P2RX3: variants seen among roughly 807,000 people sequenced by gnomAD.
The protein encoded by P2RX3 is P2X purinoceptor 3.
In P2RX3, 41 loss-of-function variants were observed where a neutral mutation model predicts 51.5. The observed-to-expected ratio is 0.80, with a 90% CI of 0.62 to 1.03. The LOEUF (loss-of-function observed/expected upper bound fraction) is 1.03, where lower values mean the gene tolerates loss of function less well. Ranked by LOEUF, P2RX3 falls within the 50% of genes least tolerant of loss-of-function variation. The pLI is 0.00. For synonymous variants in P2RX3, 185 were observed against 191.6 expected (o/e 0.97, Z 0.29); for missense variants, 459 against 522.1 (o/e 0.88, Z 1.18).
intron 1 of P2RX3, among the ~76,000 whole-genome samples, chr11:57,338,953 G>A (rs969957103): frequency 4.6e-5 from 7 of 152,274 alleles, no homozygotes; most frequent in African/African-American, 1.2e-4. Context: ...GCCCTCCACC[G>A]AGGGAGGGCT....
chr11:57,337,302 AAAAAG>A (rs1171026252), upstream of P2RX3, among the ~76,000 whole-genome samples: 1 of 129,080 alleles, frequency 7.7e-6, no homozygotes, highest in African/African-American at 3.0e-5. Flanking sequence ...AAAAAAAAAA[AAAAAG>A]AAAGAAAGAA....
At chr11:57,368,346 A>T (rs1418729365) in intron 9 of P2RX3, 26 bp from the exon 10 acceptor site, 1 of 1,613,564 alleles carries the variant, frequency 6.2e-7, no homozygotes, top group Non-Finnish European at 8.5e-7. Context: ...CCCTCTGCCC[A>T]CTTGCCTTGG....
chr11:57,351,156 C>G (rs1325849951), intron 8 of P2RX3, among the ~76,000 whole-genome samples: 2 of 152,164 alleles, frequency 1.3e-5, no homozygotes, highest in African/African-American at 4.8e-5. Context: ...AAGAGAGGGC[C>G]AAGGTCTCTT....
chr11:57,357,134 T>C (rs1293562263), intron 8 of P2RX3, among the ~76,000 whole-genome samples: 1 of 152,022 alleles, frequency 6.6e-6, no homozygotes, highest in Admixed American at 6.6e-5. Flanking sequence ...CTGGCCAACA[T>C]AATGAAACCC....
chr11:57,348,365 T>G (rs1856481307), intron 5 of P2RX3, 102 bp downstream of exon 5: 10 of 1,130,246 alleles, frequency 8.8e-6, no homozygotes, highest in Non-Finnish European at 1.3e-5. Context: ...GTCTGTGGCT[T>G]TCTCCAGTGT....
chr11:57,350,713 A>G (rs1036912936), intron 7 of P2RX3, 49 bp from the exon 8 acceptor site: 2 of 1,473,928 alleles, frequency 1.4e-6, no homozygotes, highest in Non-Finnish European at 1.8e-6. Context: ...GGCCCAGAGC[A>G]GGGAGTCAGA....
rs756479906 is a variant in P2RX3, at chr11:57,350,764, G to T, written c.708G>T (p.Gly236=). ...TCATACCCGGCCCGTTTCTTCAGGG[G>T]GGAGTTCTGGGCATTAAGATCGGCT... The part of the protein sequence containing the change: ...GQDFAKLART[G]GVLGIKIGWV... The change falls in exon 8 of 12, where the codon GGG becomes GGT. Residue 236 remains glycine, a splice_region_variant and synonymous_variant. Transcript: ENST00000263314. 6 of 1,613,892 alleles carry T rather than the reference G, an allele frequency of 3.7e-6. No individual in the cohort carries two copies. The highest frequency in any genetic ancestry group is 5.1e-6 in the Non-Finnish European group (6 of 1,179,996).
chr11:57,351,050 C>T, intron 8 of P2RX3, 152 bp downstream of exon 8: 1 of 1,139,692 alleles, frequency 8.8e-7, no homozygotes, highest in Non-Finnish European at 1.2e-6. Context: ...GACTCTCTAA[C>T]AGCCATTAGG....
intron 8 of P2RX3, among the ~76,000 whole-genome samples, chr11:57,360,996 A>C (rs1448002233): frequency 6.6e-6 from 1 of 152,076 alleles, no homozygotes. Context: ...GATTTCTGTG[A>C]GGTAAATACT....
intron 1 of P2RX3, among the ~76,000 whole-genome samples, chr11:57,339,026 TC>T (rs1856289969): frequency 6.6e-6 from 1 of 151,974 alleles, no homozygotes; most frequent in African/African-American, 2.4e-5. Flanking sequence ...GCAGACCCCC[TC>T]CCACATCTTC....
In P2RX3 at chr11:57,347,135, T is replaced by TC. The variant is rs1565063777; in HGVS notation, c.276dup (p.Ile93HisfsTer8). On this transcript the variant is annotated frameshift_variant, in exon 3 of 12. Coordinates refer to ENST00000263314, the MANE Select transcript of P2RX3 (RefSeq NM_002559.5). LOFTEE classifies it high-confidence loss of function. ...CCCAAGGGCACCTCGGTCTTTGTCA[T>TC]CATCACCAAGATGATTGTTACTGAA... 1 of 1,613,784 alleles carries TC rather than the reference T, an allele frequency of 6.2e-7. No individual in the cohort carries two copies. The highest frequency in any genetic ancestry group is 1.1e-5 in the South Asian group (1 of 90,908).
intron 10 of P2RX3, 54 bp from the exon 11 acceptor site, chr11:57,369,307 A>G (rs892563353): frequency 1.9e-5 from 29 of 1,538,512 alleles, no homozygotes; most frequent in Non-Finnish European, 2.2e-5. Context: ...TGCCACCCTG[A>G]TCCCACCCAA....
chr11:57,340,050 C>T (rs931086935), intron 1 of P2RX3, among the ~76,000 whole-genome samples: 6 of 152,178 alleles, frequency 3.9e-5, no homozygotes, highest in South Asian at 4.1e-4. Flanking sequence ...TTGTGAGATA[C>T]GAGGTTTGCA....
At chr11:57,360,846 T>C (rs1011188417) in intron 8 of P2RX3, among the ~76,000 whole-genome samples, 2 of 150,598 alleles carry the variant, frequency 1.3e-5, no homozygotes, top group African/African-American at 4.9e-5. Flanking sequence ...ATATGGCTCA[T>C]AGTCCGTAGT....
At chr11:57,344,728 T>A (rs955443358) in intron 1 of P2RX3, among the ~76,000 whole-genome samples, 1 of 151,840 alleles carries the variant, frequency 6.6e-6, no homozygotes, top group Non-Finnish European at 1.5e-5. Context: ...TATCAAAAAT[T>A]TAAACTTAAA....
rs1856830368 is a variant in P2RX3 at position 57,368,424 on chromosome 11, C to A, written c.989C>A (p.Thr330Asn). The change falls in exon 10 of 12, where the codon ACT becomes AAT. Residue 330 changes from threonine (T) to asparagine (N), a missense_variant. Coordinates refer to ENST00000263314, the MANE Select transcript of P2RX3 (RefSeq NM_002559.5). ...ATCATCAGCTCTGTGGCGGCCTTTA[C>A]TTCTGTGGGAGTGGTGAGTTCAGCC... ...PTIISSVAAF[T>N]SVGVGTVLCD... The A allele has an allele frequency of 6.2e-7, 1 of 1,614,176 alleles. No individual in the cohort carries two copies. The highest frequency in any genetic ancestry group is 8.5e-7 in the Non-Finnish European group (1 of 1,180,036).
At chr11:57,351,232 A>C (rs545023304) in intron 8 of P2RX3, among the ~76,000 whole-genome samples, 62 of 152,336 alleles carry the variant, frequency 4.1e-4, no homozygotes, top group African/African-American at 1.5e-3. Context: ...GACGTGCTTA[A>C]GTGACTTCCA....
chr11:57,369,436 GA>G lies in P2RX3; in HGVS notation c.1079del (p.Glu360GlyfsTer2). On this transcript the variant is annotated frameshift_variant and splice_region_variant, in exon 11 of 12. Coordinates refer to ENST00000263314, the MANE Select transcript of P2RX3 (RefSeq NM_002559.5). LOFTEE classifies it high-confidence loss of function. ...CCAGTACAAAGCCAAGAAGTTTGAGGAGGTGAGTTGGGGAAGGGGCACCCTT... is the reference window on the plus strand; with the variant it reads ...CCAGTACAAAGCCAAGAAGTTTGAGGGGTGAGTTGGGGAAGGGGCACCCTT... ...ADQYKAKKFE[E>X]VNETTLKIAA... The G allele has an allele frequency of 6.2e-7, 1 of 1,605,802 alleles. No homozygotes were observed. Among genetic ancestry groups the G allele is most frequent in the East Asian group, 2.3e-5 (1 of 44,214 alleles).
At chr11:57,341,433 C>T (rs1856338227) in intron 1 of P2RX3, among the ~76,000 whole-genome samples, 1 of 152,144 alleles carries the variant, frequency 6.6e-6, no homozygotes, top group African/African-American at 2.4e-5. Flanking sequence ...CACATACGCT[C>T]TCACCCCCGC....
Sources: allele counts gnomAD v4.1 joint callset (sites outside exome capture counted in the v4.1 genomes callset), GRCh38; gene constraint gnomAD v4.1.1; transcripts MANE v1.5; gene names NCBI Gene and HGNC (gene_info 2026-07-23, HGNC 2026-07-21).